The following MARK2 variants were observed in gnomAD, a reference collection of about 807,000 sequenced individuals.
MARK2 encodes the protein serine/threonine-protein kinase MARK2.
In MARK2, 16 loss-of-function variants were observed where a neutral mutation model predicts 89.8. The observed-to-expected ratio is 0.18, with a 90% CI of 0.12 to 0.27. The LOEUF (loss-of-function observed/expected upper bound fraction) is 0.27. Among genes scored for constraint, MARK2 ranks in the 10% least tolerant of loss-of-function variants. The pLI is 1.00. For missense variants in MARK2, 621 were observed against 1,049.9 expected, an observed-to-expected ratio of 0.59 and a Z score of 5.65; for synonymous variants, 382 against 399.5, an observed-to-expected ratio of 0.96 and a Z score of 0.52.
intron 1 of MARK2, among the ~76,000 whole-genome samples, chr11:63,851,829 T>C (rs907709749): frequency 6.6e-6 from 1 of 152,208 alleles, no homozygotes; most frequent in African/African-American, 2.4e-5. Context: ...TGGCAACTTA[T>C]TAGGGACAGC....
intron 1 of MARK2, among the ~76,000 whole-genome samples, chr11:63,865,401 T>G (rs1938075136): frequency 6.6e-6 from 1 of 152,108 alleles, no homozygotes; most frequent in African/African-American, 2.4e-5. Context: ...TTGTTAAGAG[T>G]GGAAAAGCCA....
At chr11:63,888,716 C>T (rs1049707295) in intron 1 of MARK2, 4 of 1,191,548 alleles carry the variant, frequency 3.4e-6, no homozygotes, top group African/African-American at 1.6e-5. Context: ...GTGGTGGTTT[C>T]GGTTGCGACA....
At chr11:63,890,192 T>C (rs1234593911) in intron 1 of MARK2, 1 of 1,320,960 alleles carries the variant, frequency 7.6e-7, no homozygotes, top group Non-Finnish European at 1.0e-6. Context: ...TCCTCTCTTT[T>C]CCCTTTTTCT....
At chr11:63,874,282 A>G (rs1938617014) in intron 1 of MARK2, among the ~76,000 whole-genome samples, 1 of 152,208 alleles carries the variant, frequency 6.6e-6, no homozygotes, top group South Asian at 2.1e-4. Flanking sequence ...GGTCACAGAA[A>G]GTTCTGTTTT....
At chr11:63,895,441 C>G in intron 2 of MARK2, 103 bp downstream of exon 2, 4 of 1,450,038 alleles carry the variant, frequency 2.8e-6, no homozygotes, top group Non-Finnish European at 3.9e-6. Context: ...GTTTATCCGG[C>G]AGAAATGAGA....
At chr11:63,899,249 CT>C (rs66492279) in intron 7 of MARK2, 141 bp downstream of exon 7, 125,010 of 484,950 alleles carry the variant, frequency 0.26, 5,669 homozygotes, top group African/African-American at 0.49. Flanking sequence ...TTCTTTCTTT[CT>C]TTTTTTTTTT....
Position 63,904,952 on chromosome 11 carries a change from G to A in MARK2, c.1843G>A (p.Val615Met), listed in dbSNP as rs147921716. 6 of 1,614,126 alleles carry A rather than the reference G, an allele frequency of 3.7e-6. No individual in the cohort carries two copies. In the East Asian group the frequency reaches 6.7e-5, roughly 18 times the overall value. The change falls in exon 16 of 19, where the codon GTG becomes ATG. Residue 615 changes from valine (V) to methionine (M), a missense_variant. Val to Met is a conservative substitution (Grantham distance 21). Coordinates refer to ENST00000402010, the MANE Select transcript of MARK2 (RefSeq NM_001039469.3). This position sits in a 1 kb window ranked among gnomAD's most constrained non-coding sequence, Gnocchi z 6.3. ...VRDQQNLPYGVTPASPSGHSQ... is the reference protein window; with the variant it reads ...VRDQQNLPYGMTPASPSGHSQ... ...GGACCAGCAGAATTTGCCCTACGGT[G>A]TGACCCCAGCCTCTCCCTCTGGCCA...
chr11:63,852,478 TTATTC>T (rs1373309775), intron 1 of MARK2, among the ~76,000 whole-genome samples: 1 of 152,018 alleles, frequency 6.6e-6, no homozygotes, highest in African/African-American at 2.4e-5. Context: ...TTTTAGCACT[TTATTC>T]TAAAATAGAA....
chr11:63,856,322 T>G lies in MARK2; in HGVS notation c.54+16762T>G, dbSNP rs868633135. Among the ~76,000 whole-genome samples, 265 of 30,266 alleles carry G rather than the reference T, an allele frequency of 8.8e-3. 1 individual carries two copies. Among genetic ancestry groups the G allele is most frequent in the East Asian group, 0.029 (11 of 376 alleles). The allele number at this position is 30,266 out of a possible 152,430, so 19.9% of individuals were successfully genotyped here. Reference sequence around the variant, plus strand: ...TGGCCCTGTGGGTTTTTTTTTTTTGTTTTTTTTTTTTTTTTAAATATATGG... The same window carrying G: ...TGGCCCTGTGGGTTTTTTTTTTTTGGTTTTTTTTTTTTTTTAAATATATGG... On this transcript the variant is annotated intron_variant, in intron 1 of 18. Coordinates refer to ENST00000402010, the MANE Select transcript of MARK2 (RefSeq NM_001039469.3).
chr11:63,870,791 G>C (rs1210103979), intron 1 of MARK2, among the ~76,000 whole-genome samples: 1 of 152,206 alleles, frequency 6.6e-6, no homozygotes, highest in Non-Finnish European at 1.5e-5. Context: ...TGTCTGAGCT[G>C]AGGCTCACCA....
At chr11:63,883,453 G>A (rs12271959) in intron 1 of MARK2, among the ~76,000 whole-genome samples, 14,212 of 152,174 alleles carry the variant, frequency 0.093, 2,143 homozygotes, top group African/African-American at 0.32. Context: ...GCTCTTCCCA[G>A]AGCCCAGAGA....
At chr11:63,866,437 A>G (rs540909226) in intron 1 of MARK2, among the ~76,000 whole-genome samples, 5 of 152,344 alleles carry the variant, frequency 3.3e-5, no homozygotes, top group Non-Finnish European at 7.4e-5. Context: ...AACAGCCGAT[A>G]GGGCAGGCTG....
At chr11:63,871,118 A>G (rs1938421653) in intron 1 of MARK2, among the ~76,000 whole-genome samples, 1 of 152,120 alleles carries the variant, frequency 6.6e-6, no homozygotes, top group Non-Finnish European at 1.5e-5. Flanking sequence ...GTATATGCAT[A>G]TTTGTGTGTG....
At chr11:63,863,218 G>A (rs771833043) in intron 1 of MARK2, among the ~76,000 whole-genome samples, 33 of 151,984 alleles carry the variant, frequency 2.2e-4, no homozygotes, top group Admixed American at 1.6e-3. Flanking sequence ...TGCTGAAGCC[G>A]GTCCCCATAG....
chr11:63,879,841 C>A (rs1348929917), intron 1 of MARK2, among the ~76,000 whole-genome samples: 1 of 152,092 alleles, frequency 6.6e-6, no homozygotes, highest in African/African-American at 2.4e-5. Context: ...TTTTTTCTGA[C>A]ATTTCCTCCT....
At chr11:63,897,536 C>G (rs1341210608) in intron 3 of MARK2, among the ~76,000 whole-genome samples, 1 of 152,210 alleles carries the variant, frequency 6.6e-6, no homozygotes, top group Non-Finnish European at 1.5e-5. Context: ...AGTGATGAGG[C>G]CTGAAATTAC....
intron 1 of MARK2, among the ~76,000 whole-genome samples, chr11:63,872,153 G>A (rs993390527): frequency 1.6e-4 from 25 of 152,186 alleles, no homozygotes; most frequent in Non-Finnish European, 3.2e-4. Flanking sequence ...GGCCACTCCT[G>A]ACAAATATTT....
chr11:63,898,649 C>G lies in MARK2; in HGVS notation c.379C>G (p.Leu127Val). ...GATTGAGACTGAGAAAACGCTCTAC[C>G]TTGTCATGGAGTACGCTAGTGGCGG... ...EVIETEKTLY[L>V]VMEYASGGEV... Residue 127 changes from leucine to valine, a missense_variant, in exon 5 of 19, where the codon CTT (leucine) becomes GTT (valine). Coordinates refer to ENST00000402010, the MANE Select transcript of MARK2 (RefSeq NM_001039469.3). 1 of 1,614,130 alleles carries G rather than the reference C, an allele frequency of 6.2e-7. No individual in the cohort carries two copies. Among genetic ancestry groups the G allele is most frequent in the Non-Finnish European group, 8.5e-7 (1 of 1,179,956 alleles).
chr11:63,847,444 G>T lies in MARK2; in HGVS notation c.54+7884G>T, dbSNP rs56333192. On this transcript the variant is annotated intron_variant, in intron 1 of 18. Coordinates refer to ENST00000402010, the MANE Select transcript of MARK2 (RefSeq NM_001039469.3). ...TGACTGGCTCCCAGCCACCTTTTTG[G>T]CCTTTTTCTTTTTAACATGAGGAAG... 2.1e-3 allele frequency among the ~76,000 whole-genome samples: 318 copies of T among 152,238 alleles called. 1 individual carries two copies. The highest frequency in any genetic ancestry group is 7.5e-3 in the African/African-American group (312 of 41,540).
Sources: gnomAD v4.1 joint callset for allele counts (sites outside exome capture counted in the v4.1 genomes callset) on GRCh38, gnomAD v4.1.1 for gene constraint, Gnocchi (gnomAD v3.1) non-coding constraint, MANE v1.5 for transcripts, NCBI Gene and HGNC (gene_info 2026-07-23, HGNC 2026-07-21) for gene names.